KRT40: variants seen among roughly 807,000 people sequenced by gnomAD.
KRT40 encodes the protein keratin, type I cytoskeletal 40.
A neutral mutation model predicts 43.5 loss-of-function variants in KRT40; 47 were observed. That is an observed-to-expected ratio of 1.08 (90% CI 0.86 to 1.38). The LOEUF is 1.38. Ranked by LOEUF, KRT40 falls within the 40% of genes most tolerant of loss-of-function variation. The pLI, the probability that KRT40 is intolerant of heterozygous loss-of-function variation, is 0.00. For missense variants in KRT40, 573 were observed against 523.6 expected (o/e 1.09, Z -0.92); for synonymous variants, 212 against 214.0 (o/e 0.99, Z 0.08).
At chr17:40,979,253 G>C (rs8067385) in intron 5 of KRT40, among the ~76,000 whole-genome samples, 56,364 of 152,026 alleles carry the variant, frequency 0.37, 12,931 homozygotes, top group African/African-American at 0.66. Flanking sequence ...CGGTGGCTCA[G>C]GCCTGTAATC....
rs1911871751 is a variant in KRT40, at chr17:40,977,905, T to C, written c.*292A>G. 4.0e-6 allele frequency: 1 copy of C among 246,924 alleles called. No individual in the cohort carries two copies. Among genetic ancestry groups the C allele is most frequent in the Non-Finnish European group, 7.9e-6 (1 of 127,150 alleles). The allele number at this position is 246,924 out of a possible 1,614,324, so 15.3% of individuals were successfully genotyped here. A position where few individuals can be genotyped will look rare whatever the true frequency, so the allele number is the denominator to read the frequency against. ...TTTAGATGATTTCCTTGCCATAAAATGAATATTCTATCAACAGTAATCAGC... is the reference window on the plus strand; with the variant it reads ...TTTAGATGATTTCCTTGCCATAAAACGAATATTCTATCAACAGTAATCAGC... On this transcript the variant is annotated 3_prime_UTR_variant, in exon 7 of 7. Coordinates refer to ENST00000377755, the MANE Select transcript of KRT40 (RefSeq NM_001389244.1).
At chr17:40,983,692 C>T (rs1912302620) in intron 1 of KRT40, 135 bp downstream of exon 1, 3 of 798,682 alleles carry the variant, frequency 3.8e-6, no homozygotes, top group African/African-American at 1.7e-5. Flanking sequence ...CAGTCCGGTG[C>T]TCTCCCCTAT....
At chr17:40,981,795 G>T (rs1246971417) in intron 3 of KRT40, among the ~76,000 whole-genome samples, 1 of 152,084 alleles carries the variant, frequency 6.6e-6, no homozygotes, top group Non-Finnish European at 1.5e-5. Flanking sequence ...GCTGTCTAGG[G>T]GTTATTTCAC....
intron 5 of KRT40, 57 bp from the exon 6 acceptor site, chr17:40,979,081 G>T: frequency 7.3e-7 from 1 of 1,368,890 alleles, no homozygotes. Context: ...GGGCCAGAGT[G>T]CCTACTTTCA....
rs370621864 is a variant in KRT40 at position 40,978,796 on chromosome 17, G to C, written c.1196+8C>G. 20 of 1,607,590 alleles carry C rather than the reference G, an allele frequency of 1.2e-5. No homozygotes were observed. The highest frequency in any genetic ancestry group is 1.7e-5 in the Admixed American group (1 of 59,792). On this transcript the variant is annotated splice_region_variant and intron_variant, in intron 6 of 6. Transcript: ENST00000377755. ...CTGGGGGATTTCATGAGTAACTGTG[G>C]AACTTGCCTGCTGTCCTCGCTGTCC...
At chr17:40,983,642 A>G (rs1303136021) in intron 1 of KRT40, among the ~76,000 whole-genome samples, 185 bp downstream of exon 1, 2 of 152,204 alleles carry the variant, frequency 1.3e-5, no homozygotes, top group Admixed American at 1.3e-4. Flanking sequence ...CTCAGTAATC[A>G]GGGGTAGCTC....
Position 40,984,053 on chromosome 17 carries a change from A to G in KRT40, c.221T>C (p.Val74Ala), listed in dbSNP as rs1356165086. 1 of 1,614,048 alleles carries G rather than the reference A, an allele frequency of 6.2e-7. No individual in the cohort carries two copies. The highest frequency in any genetic ancestry group is 8.5e-7 in the Non-Finnish European group (1 of 1,180,000). ...FTGSCNSPCL[V>A]GNCAWCEDGV... ...ATCCTCACACCAGGCACAGTTCCCC[A>G]CCAAGCAGGGACTATTACAACTCCC... The change falls in exon 1 of 7, where the codon GTG becomes GCG. Residue 74 changes from valine (V) to alanine (A), a missense_variant. Physicochemically the swap from Val to Ala is moderately conservative, Grantham distance 64 (BLOSUM62 0). Coordinates refer to ENST00000377755, the MANE Select transcript of KRT40 (RefSeq NM_001389244.1).
At chr17:40,978,691 T>A in intron 6 of KRT40, 113 bp downstream of exon 6, 1 of 834,112 alleles carries the variant, frequency 1.2e-6, no homozygotes, top group South Asian at 1.6e-5. Context: ...TTTAAGAAGA[T>A]CCCTAAACAC....
chr17:40,982,665 GTGAGAGAGAGAGAT>G (rs1912239215), intron 2 of KRT40, among the ~76,000 whole-genome samples: 1 of 130,794 alleles, frequency 7.6e-6, no homozygotes, highest in Non-Finnish European at 1.6e-5. Flanking sequence ...GTGTGTGTGT[GTGAGAGAGAGAGAT>G]TGAGAGAGAG....
At chr17:40,986,492 C>T (rs1406138970), upstream of KRT40, 1 of 152,296 alleles carries the variant, frequency 6.6e-6, no homozygotes, top group Non-Finnish European at 1.5e-5. Context: ...CCTTTGTCTC[C>T]TTGCAGACAG....
At chr17:40,979,062 C>T (rs1911972579) in intron 5 of KRT40, 38 bp from the exon 6 acceptor site, 19 of 1,539,422 alleles carry the variant, frequency 1.2e-5, no homozygotes, top group Non-Finnish European at 1.6e-5. Flanking sequence ...CCATGAAGTG[C>T]AGTCTCTCGG....
rs769287684 is a variant in KRT40, at chr17:40,981,148, C to T, written c.691G>A (p.Val231Ile). ...CCAAGCTGTTCACGAAGCAAGTTGA[C>T]TTCCTGAAAGTGGGATGGTGTAAAG... ...LCLKKNHEEE[V>I]NLLREQLGDR... The change falls in exon 4 of 7, where the codon GTC becomes ATC. Residue 231 changes from valine (V) to isoleucine (I), a missense_variant. Val to Ile is a conservative substitution (Grantham distance 29). Transcript: ENST00000377755. 3 of 1,613,662 alleles carry T rather than the reference C, an allele frequency of 1.9e-6. No individual in the cohort carries two copies. Among genetic ancestry groups the T allele is most frequent in the Admixed American group, 3.3e-5 (2 of 59,962 alleles).
At chr17:40,982,898 C>G (rs1912260024) in intron 2 of KRT40, 148 bp downstream of exon 2, 4 of 485,616 alleles carry the variant, frequency 8.2e-6, no homozygotes, top group Non-Finnish European at 1.4e-5. Flanking sequence ...ATCCCGGCTA[C>G]TCAGGAGGCT....
chr17:40,980,838 G>T lies in KRT40; in HGVS notation c.922C>A (p.Leu308Met), dbSNP rs139116684. The part of the protein sequence containing the change: ...LQGCQMEILE[L>M]KRTASALEIE... ...TCCAGAGCACTGGCTGTGCGTTTCA[G>T]TTCCAAGATCTCCATCTGGCAGCCC... Residue 308 changes from leucine (L) to methionine (M), a missense_variant, in exon 5 of 7, where the codon CTG (leucine) becomes ATG (methionine). Leu to Met is a conservative substitution (Grantham distance 15). Coordinates refer to ENST00000377755, the MANE Select transcript of KRT40 (RefSeq NM_001389244.1). 3.9e-4 allele frequency: 629 copies of T among 1,613,128 alleles called. 5 individuals are homozygous for T. In the East Asian group the frequency reaches 0.012, roughly 32 times the overall value.
intron 2 of KRT40, 137 bp downstream of exon 2, chr17:40,982,909 G>A (rs1433927493): frequency 4.0e-6 from 2 of 496,936 alleles, no homozygotes; most frequent in African/African-American, 4.1e-5. Flanking sequence ...TCAGGAGGCT[G>A]AGGCAGGAGA....
chr17:40,980,474 G>T (rs1252231127), intron 5 of KRT40, among the ~76,000 whole-genome samples: 2 of 152,116 alleles, frequency 1.3e-5, no homozygotes, highest in African/African-American at 4.8e-5. Context: ...TGGAAAACTG[G>T]CCTGAATCAA....
intron 2 of KRT40, 142 bp from the exon 3 acceptor site, chr17:40,982,605 T>C (rs1371094773): frequency 3.7e-6 from 2 of 547,606 alleles, no homozygotes. Flanking sequence ...AAATTCAAGC[T>C]TTTAAAACAT....
upstream of KRT40, among the ~76,000 whole-genome samples, chr17:40,985,212 A>G (rs535417243): frequency 5.5e-4 from 83 of 152,292 alleles, no homozygotes; most frequent in African/African-American, 1.7e-3. Flanking sequence ...TTATTTATTT[A>G]TGAAGGCCTG....
Position 40,983,049 on chromosome 17 carries a change from G to T in KRT40, c.527C>A (p.Ser176Ter). The change falls in exon 2 of 7, where the codon TCA becomes TAA. Residue 176 changes from serine (S) to a stop codon, truncating the protein, a stop_gained. Transcript: ENST00000377755. LOFTEE classifies it high-confidence loss of function. ...AATAAAATTAAATTAAACTTACTTT[G>T]ACTTAAAGTCATCAGTGGCCAGTTT... ...NCKLATDDFK[S>*]KYESELSLRQ... is the part of the protein sequence containing the mutation. The T allele has an allele frequency of 2.4e-6, 3 of 1,272,452 alleles. No homozygotes were observed. Among genetic ancestry groups the T allele is most frequent in the South Asian group, 1.2e-5 (1 of 80,430 alleles). The allele number at this position is 1,272,452 out of a possible 1,614,324, so 78.8% of individuals were successfully genotyped here.
Sources: gnomAD v4.1 joint callset for allele counts (sites outside exome capture counted in the v4.1 genomes callset) on GRCh38, gnomAD v4.1.1 for gene constraint, MANE v1.5 for transcripts, NCBI Gene and HGNC (gene_info 2026-07-23, HGNC 2026-07-21) for gene names.